The following NXPH1 variants were observed in gnomAD, a reference collection of about 807,000 sequenced individuals.
The protein encoded by NXPH1 is neurexophilin 1.
Under a neutral mutation model 23.7 loss-of-function variants are expected in NXPH1, and 5 were observed. The ratio of observed to expected loss-of-function variants is 0.21; its 90% CI spans 0.11 to 0.44. The LOEUF (loss-of-function observed/expected upper bound fraction) is 0.44, where lower values mean the gene tolerates loss of function less well. Among genes scored for constraint, NXPH1 ranks in the 20% least tolerant of loss-of-function variants. NXPH1 has a pLI of 0.99. For synonymous variants in NXPH1, 144 were observed against 122.2 expected (o/e 1.18, Z -1.18); for missense variants, 324 against 321.6 (o/e 1.01, Z -0.06).
chr7:8,725,571 C>A (rs1263094321), intron 2 of NXPH1, among the ~76,000 whole-genome samples: 2 of 151,994 alleles, frequency 1.3e-5, no homozygotes, highest in Non-Finnish European at 2.9e-5. Context: ...CTGGCCAAGG[C>A]ATGATTCACC....
intron 2 of NXPH1, among the ~76,000 whole-genome samples, chr7:8,526,293 A>G (rs987918005): frequency 3.3e-5 from 5 of 152,198 alleles, no homozygotes; most frequent in Non-Finnish European, 7.3e-5. Context: ...GCTGTATTTA[A>G]CTAATGCTTG....
intron 2 of NXPH1, among the ~76,000 whole-genome samples, chr7:8,526,394 T>G (rs1817862155): frequency 6.6e-6 from 1 of 152,214 alleles, no homozygotes. Context: ...GATGAGACTT[T>G]GGACTGTGAA....
Position 8,457,047 on chromosome 7 carries a change from T to C in NXPH1, c.54+21280T>C, listed in dbSNP as rs139590934. 3.3e-3 allele frequency among the ~76,000 whole-genome samples: 507 copies of C among 152,310 alleles called. 2 individuals carry two copies. Among genetic ancestry groups the C allele is most frequent in the South Asian group, 7.3e-3 (35 of 4,822 alleles). The stretch of plus-strand genomic sequence containing the variant: ...AATGTCCACAAAGGTCAATTGAATA[T>C]TTATGCTTGATACGAGGGTTTTTAA... On this transcript the variant is annotated intron_variant, in intron 2 of 2. Coordinates refer to ENST00000405863, the MANE Select transcript of NXPH1 (RefSeq NM_152745.3).
Position 8,752,214 on chromosome 7 carries a change from A to G in NXPH1, c.*445A>G. The G allele has an allele frequency of 1.2e-5, 2 of 162,790 alleles. No individual in the cohort carries two copies. Among genetic ancestry groups the G allele is most frequent in the Non-Finnish European group, 1.4e-5 (1 of 73,256 alleles). 10.1% of individuals were successfully genotyped at this position (162,790 alleles called of 1,614,324 possible). A position where few individuals can be genotyped will look rare whatever the true frequency, so the allele number is the denominator to read the frequency against. On this transcript the variant is annotated 3_prime_UTR_variant, in exon 3 of 3. Transcript: ENST00000405863. The stretch of plus-strand genomic sequence containing the variant: ...AAGTCTTGAGTACATGCTAATCAAT[A>G]ATCTCCACTCATGCATTCCTACTGC...
intron 2 of NXPH1, among the ~76,000 whole-genome samples, chr7:8,696,644 G>T (rs1194277309): frequency 1.3e-5 from 2 of 152,218 alleles, no homozygotes; most frequent in East Asian, 3.9e-4. Flanking sequence ...TCTTAGGGCT[G>T]AAATGAGTGT....
intron 2 of NXPH1, among the ~76,000 whole-genome samples, chr7:8,511,627 T>C (rs1444740739): frequency 2.6e-5 from 4 of 152,082 alleles, no homozygotes; most frequent in African/African-American, 9.7e-5. Context: ...GGGGAAGACT[T>C]TTCCACCTCT....
chr7:8,647,764 T>A (rs868639763), intron 2 of NXPH1, among the ~76,000 whole-genome samples: 1 of 151,766 alleles, frequency 6.6e-6, no homozygotes. Context: ...CTGATTCAAT[T>A]TTCTTAACCA....
At chr7:8,449,714 A>G (rs1326631712) in intron 2 of NXPH1, among the ~76,000 whole-genome samples, 2 of 152,222 alleles carry the variant, frequency 1.3e-5, no homozygotes, top group Non-Finnish European at 2.9e-5. Flanking sequence ...GGAGAGTCTC[A>G]TAAAAATATT....
chr7:8,579,903 C>G (rs994768961), intron 2 of NXPH1, among the ~76,000 whole-genome samples: 4 of 152,110 alleles, frequency 2.6e-5, no homozygotes, highest in African/African-American at 9.7e-5. Context: ...AGGCATTTGT[C>G]TGCATTGAAT....
At chr7:8,630,965 C>T (rs1463050594) in intron 2 of NXPH1, among the ~76,000 whole-genome samples, 1 of 152,048 alleles carries the variant, frequency 6.6e-6, no homozygotes. Flanking sequence ...TGTGTTGTTC[C>T]CCTCTATGTG....
intron 2 of NXPH1, among the ~76,000 whole-genome samples, chr7:8,692,888 G>T (rs1202012630): frequency 2.0e-5 from 3 of 152,140 alleles, no homozygotes; most frequent in African/African-American, 7.2e-5. Context: ...GGAAGAAGGG[G>T]ATTTGAACGA....
intron 2 of NXPH1, among the ~76,000 whole-genome samples, chr7:8,660,846 C>T (rs997987897): frequency 6.6e-6 from 1 of 151,980 alleles, no homozygotes; most frequent in African/African-American, 2.4e-5. Flanking sequence ...TTTAGTTTTA[C>T]TATTTGTCTT....
chr7:8,670,195 T>C lies in NXPH1; in HGVS notation c.55-80813T>C, dbSNP rs1415941569. ...GCCTTTGATTCTCTTTCTTTTGTTCTGACTTTTTATTCCTCTCCCTCTCCT... is the reference window on the plus strand; with the variant it reads ...GCCTTTGATTCTCTTTCTTTTGTTCCGACTTTTTATTCCTCTCCCTCTCCT... On this transcript the variant is annotated intron_variant, in intron 2 of 2. Transcript: ENST00000405863. Among the ~76,000 whole-genome samples, 51 of 152,336 alleles carry C rather than the reference T, an allele frequency of 3.3e-4. 1 individual carries two copies. The highest frequency in any genetic ancestry group is 3.3e-3 in the Admixed American group (51 of 15,300).
At position 8,433,627 on chromosome 7, in the gene NXPH1, G is replaced by A. The variant is rs1167740199; in HGVS notation, c.-1239G>A. Among the ~76,000 whole-genome samples the A allele has an allele frequency of 6.6e-6, 1 of 152,132 alleles. No homozygotes were observed. Among genetic ancestry groups the A allele is most frequent in the Admixed American group, 6.5e-5 (1 of 15,282 alleles). On this transcript the variant is annotated 5_prime_UTR_variant, in exon 1 of 3. Coordinates refer to ENST00000405863, the MANE Select transcript of NXPH1 (RefSeq NM_152745.3). This position sits in a 1 kb window ranked among gnomAD's most constrained non-coding sequence, Gnocchi z 6.8. Reference sequence around the variant, plus strand: ...GTCGCCCAGTCCTCTCGGCTGTCTCGAGCTGAATGGCTGGCAGTCTGCGGC... The same window carrying A: ...GTCGCCCAGTCCTCTCGGCTGTCTCAAGCTGAATGGCTGGCAGTCTGCGGC...
At chr7:8,695,553 T>C (rs946829554) in intron 2 of NXPH1, among the ~76,000 whole-genome samples, 1 of 151,528 alleles carries the variant, frequency 6.6e-6, no homozygotes, top group Non-Finnish European at 1.5e-5. Context: ...ACATTGCTAT[T>C]TATATGACCT....
intron 2 of NXPH1, among the ~76,000 whole-genome samples, chr7:8,691,127 C>G (rs182635141): frequency 1.3e-5 from 2 of 152,156 alleles, no homozygotes; most frequent in Non-Finnish European, 2.9e-5. Context: ...CCAATGAGTT[C>G]TTTTTAGAAC....
intron 2 of NXPH1, among the ~76,000 whole-genome samples, chr7:8,457,845 A>G (rs1816626038): frequency 6.6e-6 from 1 of 152,310 alleles, no homozygotes; most frequent in South Asian, 2.1e-4. Context: ...TGATTAAAAT[A>G]ATTGAAAAAA....
intron 2 of NXPH1, among the ~76,000 whole-genome samples, chr7:8,461,188 G>A (rs1357507109): frequency 6.6e-6 from 1 of 152,284 alleles, no homozygotes; most frequent in East Asian, 1.9e-4. Context: ...CTTGCATTCA[G>A]TCTCTAATTG....
At chr7:8,598,858 G>A (rs1049993082) in intron 2 of NXPH1, among the ~76,000 whole-genome samples, 1 of 152,072 alleles carries the variant, frequency 6.6e-6, no homozygotes. Context: ...CAGCCTAATT[G>A]CTTCTGATCA....
Sources: allele counts gnomAD v4.1 joint callset (sites outside exome capture counted in the v4.1 genomes callset), GRCh38; gene constraint gnomAD v4.1.1; non-coding constraint Gnocchi (gnomAD v3.1); transcripts MANE v1.5; gene names NCBI Gene and HGNC (gene_info 2026-07-23, HGNC 2026-07-21).